The following ABI1 variants were observed in gnomAD, a reference collection of about 807,000 sequenced individuals.
ABI1 encodes the protein abl interactor 1.
Under a neutral mutation model 54.6 loss-of-function variants are expected in ABI1, and 14 were observed. That is an observed-to-expected ratio of 0.26 (90% CI 0.17 to 0.40). The LOEUF is 0.40. Ranked by LOEUF, ABI1 falls within the 10% of genes least tolerant of loss-of-function variation. The probability of loss-of-function intolerance (pLI) is 1.00; values close to 1 mark genes in which losing one functional copy is unlikely to be tolerated. For synonymous variants in ABI1, 194 were observed against 209.3 expected (o/e 0.93, Z 0.63); for missense variants, 443 against 598.3 (o/e 0.74, Z 2.71).
At chr10:26,791,973 A>C (rs567747495) in intron 2 of ABI1, among the ~76,000 whole-genome samples, 1 of 152,344 alleles carries the variant, frequency 6.6e-6, no homozygotes, top group East Asian at 1.9e-4. Flanking sequence ...AATCTTAGAA[A>C]TTATAATGCT....
chr10:26,759,500 C>T (rs1015983839), intron 7 of ABI1, among the ~76,000 whole-genome samples: 2 of 151,926 alleles, frequency 1.3e-5, no homozygotes, highest in Non-Finnish European at 2.9e-5. Flanking sequence ...ACCATAATCC[C>T]AAATGGTACT....
intron 2 of ABI1, among the ~76,000 whole-genome samples, chr10:26,812,145 T>C (rs986923691): frequency 1.1e-4 from 16 of 152,222 alleles, no homozygotes; most frequent in Non-Finnish European, 2.2e-4. Context: ...GCCCACTGCA[T>C]AATCCAGGAT....
Position 26,777,180 on chromosome 10 carries a change from T to G in ABI1, c.347A>C (p.Lys116Thr). 1 of 1,613,854 alleles carries G rather than the reference T, an allele frequency of 6.2e-7. No homozygotes were observed. The highest frequency in any genetic ancestry group is 1.1e-5 in the South Asian group (1 of 91,038). Reference protein sequence around the residue: ...RREIGILTTNKNTSRTHKIIA... With the variant: ...RREIGILTTNTNTSRTHKIIA... ...TATTTTGTGAGTTCTTGATGTATTC[T>G]TATTTGTTGTCAAAATACCAATCTC... The change falls in exon 3 of 11, where the codon AAG (lysine) becomes ACG (threonine). Residue 116 changes from lysine to threonine, a missense_variant. Lys to Thr is a moderately conservative substitution (Grantham distance 78, BLOSUM62 -1). This residue lies in a region of ABI1 where 394 missense variants were observed against 484.8 expected (regional missense o/e 0.81). Coordinates refer to ENST00000376140, the MANE Select transcript of ABI1 (RefSeq NM_001012750.3).
intron 7 of ABI1, 103 bp downstream of exon 7, chr10:26,765,115 T>C (rs981771500): frequency 1.2e-6 from 1 of 820,650 alleles, no homozygotes; most frequent in Non-Finnish European, 1.9e-6. Context: ...CGATCACAAA[T>C]TTAATTAATA....
intron 1 of ABI1, among the ~76,000 whole-genome samples, chr10:26,842,506 C>T (rs992720899): frequency 6.6e-6 from 1 of 152,132 alleles, no homozygotes; most frequent in African/African-American, 2.4e-5. Context: ...TCTAGCTGGA[C>T]ACCAGCACTA....
rs140022386 is a variant in ABI1 at position 26,813,146 on chromosome 10, G to C, written c.285+9992C>G. Among the ~76,000 whole-genome samples, 539 of 152,120 alleles carry C rather than the reference G, an allele frequency of 3.5e-3. 5 individuals are homozygous for C. Among genetic ancestry groups the C allele is most frequent in the East Asian group, 0.03 (153 of 5,164 alleles). On this transcript the variant is annotated intron_variant, in intron 2 of 10. Coordinates refer to ENST00000376140, the MANE Select transcript of ABI1 (RefSeq NM_001012750.3). ...CACCTGTAATCCTAGCTACTTGGGA[G>C]GCTGAGGCAGGAGAATCACTTGAAT...
intron 2 of ABI1, among the ~76,000 whole-genome samples, chr10:26,812,655 C>T (rs998031777): frequency 2.0e-5 from 3 of 152,188 alleles, no homozygotes; most frequent in Non-Finnish European, 2.9e-5. Context: ...CAGGAAGCTA[C>T]AAGTCCAAGA....
At chr10:26,846,056 T>G (rs1411664476) in intron 1 of ABI1, among the ~76,000 whole-genome samples, 20 of 151,282 alleles carry the variant, frequency 1.3e-4, no homozygotes. Context: ...CAGAGAGACT[T>G]GCTTGAACCT....
intron 8 of ABI1, 46 bp downstream of exon 8, chr10:26,759,016 A>T (rs1033618798): frequency 6.5e-6 from 10 of 1,531,276 alleles, no homozygotes; most frequent in Non-Finnish European, 8.9e-6. Context: ...AATTTCCTTC[A>T]AAAGGAGCTC....
intron 9 of ABI1, among the ~76,000 whole-genome samples, chr10:26,752,347 A>T (rs1221387310): frequency 6.6e-6 from 1 of 152,132 alleles, no homozygotes; most frequent in East Asian, 1.9e-4. Flanking sequence ...CTGTGTGCAG[A>T]TTTTCTACTC....
At chr10:26,772,173 C>T (rs1351822550) in intron 3 of ABI1, among the ~76,000 whole-genome samples, 4 of 152,004 alleles carry the variant, frequency 2.6e-5, no homozygotes, top group Admixed American at 1.3e-4. Context: ...AATGATACTG[C>T]TTACTTCTAT....
intron 2 of ABI1, among the ~76,000 whole-genome samples, chr10:26,786,745 T>C (rs1395224726): frequency 1.3e-5 from 2 of 152,214 alleles, no homozygotes; most frequent in South Asian, 4.1e-4. Context: ...AAGGTCACGT[T>C]ACAGACAGTG....
rs773616751 is a variant in ABI1, at chr10:26,771,096, G to A, written c.463-7C>T. On this transcript the variant is annotated splice_region_variant and splice_polypyrimidine_tract_variant and intron_variant, in intron 3 of 10. Coordinates refer to ENST00000376140, the MANE Select transcript of ABI1 (RefSeq NM_001012750.3). ...TTACCTTGGCTTTTAGCCACTTTAC[G>A]TTGGCAAAAAAAGGGGGGGAAAAAG... 5.6e-6 allele frequency: 9 copies of A among 1,612,958 alleles called. No individual in the cohort carries two copies. Among genetic ancestry groups the A allele is most frequent in the African/African-American group, 2.7e-5 (2 of 74,784 alleles).
chr10:26,825,623 C>T (rs978678968), intron 1 of ABI1, among the ~76,000 whole-genome samples: 2 of 152,166 alleles, frequency 1.3e-5, no homozygotes, highest in South Asian at 4.1e-4. Flanking sequence ...ACCGTGCCAC[C>T]GTACTCCAAC....
intron 1 of ABI1, among the ~76,000 whole-genome samples, chr10:26,825,040 G>T (rs986162270): frequency 5.3e-5 from 8 of 152,146 alleles, no homozygotes; most frequent in African/African-American, 1.9e-4. Context: ...GCTGGTGGAG[G>T]GCTTTGCCTC....
intron 2 of ABI1, among the ~76,000 whole-genome samples, chr10:26,813,919 A>C (rs1280613421): frequency 6.6e-6 from 1 of 152,194 alleles, no homozygotes; most frequent in African/African-American, 2.4e-5. Context: ...CTACCCAATG[A>C]ATCCAAAGCC....
chr10:26,813,812 A>G (rs1404611807), intron 2 of ABI1, among the ~76,000 whole-genome samples: 1 of 152,228 alleles, frequency 6.6e-6, no homozygotes, highest in East Asian at 1.9e-4. Flanking sequence ...TTTCATTAAA[A>G]TGTTATTTGT....
intron 1 of ABI1, among the ~76,000 whole-genome samples, chr10:26,843,971 A>C (rs1407464333): frequency 6.6e-6 from 1 of 152,228 alleles, no homozygotes; most frequent in Non-Finnish European, 1.5e-5. Flanking sequence ...AAATGAACAG[A>C]ATATGTCAGG....
chr10:26,838,151 G>A (rs1222640025), intron 1 of ABI1, among the ~76,000 whole-genome samples: 3 of 151,428 alleles, frequency 2.0e-5, no homozygotes, highest in African/African-American at 7.3e-5. Context: ...AGCCTCCTGA[G>A]TAGCTAGGAT....
Sources: gnomAD v4.1 joint callset for allele counts (sites outside exome capture counted in the v4.1 genomes callset) on GRCh38, gnomAD v4.1.1 for gene constraint, gnomAD v4.1.1 regional missense constraint, MANE v1.5 for transcripts, NCBI Gene and HGNC (gene_info 2026-07-23, HGNC 2026-07-21) for gene names.